PTPRD: variants seen among roughly 807,000 people sequenced by gnomAD.
PTPRD encodes the protein receptor-type tyrosine-protein phosphatase delta.
Under a neutral mutation model 214.5 loss-of-function variants are expected in PTPRD, and 34 were observed. The ratio of observed to expected loss-of-function variants is 0.16; its 90% CI spans 0.12 to 0.21. The LOEUF (loss-of-function observed/expected upper bound fraction) is 0.21, where lower values mean the gene tolerates loss of function less well. Ranked by LOEUF, PTPRD falls within the 10% of genes least tolerant of loss-of-function variation. The pLI, the probability that PTPRD is intolerant of heterozygous loss-of-function variation, is 1.00. For missense variants in PTPRD, 2,545 were observed against 2,398.7 expected, an observed-to-expected ratio of 1.06 and a Z score of -1.27; for synonymous variants, 1,128 against 845.7, an observed-to-expected ratio of 1.33 and a Z score of -5.79.
chr9:10,017,334 T>C (rs1368394719), intron 4 of PTPRD, among the ~76,000 whole-genome samples: 2 of 152,284 alleles, frequency 1.3e-5, no homozygotes, highest in East Asian at 3.9e-4. Flanking sequence ...TTGTAGGTTT[T>C]ACTGTTTAAG....
At chr9:9,758,527 G>C (rs1308144847) in intron 6 of PTPRD, among the ~76,000 whole-genome samples, 2 of 152,154 alleles carry the variant, frequency 1.3e-5, no homozygotes, top group Admixed American at 1.3e-4. Flanking sequence ...CAGCGTGTGA[G>C]TTCCAGGTTC....
At position 9,275,184 on chromosome 9, in the gene PTPRD, TTA is replaced by T. The variant is rs869129585; in HGVS notation, c.-202-91823_-202-91822del. On this transcript the variant is annotated intron_variant, in intron 9 of 45. Transcript: ENST00000381196. Reference sequence around the variant, plus strand: ...ATATAACATATATATAATATATATGTTATATATATATATATTATATATATATA... The same window carrying T: ...ATATAACATATATATAATATATATGTTATATATATATATTATATATATATA... 3.6e-3 allele frequency among the ~76,000 whole-genome samples: 78 copies of T among 21,432 alleles called. 1 individual carries two copies. The highest frequency in any genetic ancestry group is 0.021 in the East Asian group (27 of 1,286). The allele number at this position is 21,432 out of a possible 152,430, so 14.1% of individuals were successfully genotyped here.
intron 5 of PTPRD, among the ~76,000 whole-genome samples, chr9:9,779,410 A>G (rs1221346689): frequency 6.6e-6 from 1 of 152,172 alleles, no homozygotes; most frequent in Non-Finnish European, 1.5e-5. Flanking sequence ...AACAGAATAA[A>G]CAGACAACAT....
Position 9,423,930 on chromosome 9 carries a change from G to C in PTPRD, c.-236-26448C>G, listed in dbSNP as rs557747721. 6.8e-4 allele frequency among the ~76,000 whole-genome samples: 104 copies of C among 152,350 alleles called. 1 individual carries two copies. The highest frequency in any genetic ancestry group is 2.4e-3 in the African/African-American group (100 of 41,578). ...CATACTTTTAGCTGGAATCCTAGCA[G>C]AGTGGATTCTATAATGCACCACTCC... On this transcript the variant is annotated intron_variant, in intron 8 of 45. Transcript: ENST00000381196.
intron 8 of PTPRD, among the ~76,000 whole-genome samples, chr9:9,495,479 G>A (rs2096134024): frequency 6.6e-6 from 1 of 151,900 alleles, no homozygotes; most frequent in African/African-American, 2.4e-5. Context: ...AAACCCTACA[G>A]CCCGCCCTGC....
chr9:8,317,246 A>AT lies in PTPRD; in HGVS notation c.*627dup, dbSNP rs1822597851. The AT allele has an allele frequency of 8.6e-6, 2 of 232,160 alleles. No homozygotes were observed. Among genetic ancestry groups the AT allele is most frequent in the Admixed American group, 5.6e-5 (1 of 17,718 alleles). The allele number at this position is 232,160 out of a possible 1,614,324, so 14.4% of individuals were successfully genotyped here. On this transcript the variant is annotated 3_prime_UTR_variant, in exon 46 of 46. Transcript: ENST00000381196. ...GCTTAAAAAAACCTACGATTTGGAAATAAAAAAATGAAGAGTTATGTAACT... is the reference window on the plus strand; with the variant it reads ...GCTTAAAAAAACCTACGATTTGGAAATTAAAAAAATGAAGAGTTATGTAACT...
chr9:10,291,632 G>A (rs1458732096), intron 3 of PTPRD, among the ~76,000 whole-genome samples: 3 of 140,204 alleles, frequency 2.1e-5, no homozygotes, highest in Non-Finnish European at 4.5e-5. Context: ...CGCAGGTCTA[G>A]ATTCTGGGAA....
intron 11 of PTPRD, among the ~76,000 whole-genome samples, chr9:8,748,522 C>CAAAAAAAAAAAAAAAAAAAA (rs1239091825): frequency 2.6e-5 from 1 of 37,864 alleles, no homozygotes; most frequent in African/African-American, 7.2e-5. Flanking sequence ...CCTGCAACTG[C>CAAAAAAAAAAAAAAAAAAAA]AAAAAAAAAA....
chr9:9,619,992 G>A (rs993636822), intron 7 of PTPRD, among the ~76,000 whole-genome samples: 2 of 151,754 alleles, frequency 1.3e-5, no homozygotes, highest in Non-Finnish European at 2.9e-5. Context: ...GAGAGAGAAA[G>A]AGAGAAAGAG....
chr9:8,706,708 C>G (rs1396775723), intron 12 of PTPRD, among the ~76,000 whole-genome samples: 1 of 152,152 alleles, frequency 6.6e-6, no homozygotes, highest in Non-Finnish European at 1.5e-5. Context: ...GAGATGTACC[C>G]AAGCAAAGCA....
At chr9:8,685,459 G>A (rs1457895173) in intron 12 of PTPRD, among the ~76,000 whole-genome samples, 1 of 152,242 alleles carries the variant, frequency 6.6e-6, no homozygotes, top group East Asian at 1.9e-4. Flanking sequence ...AGTTTCAGAA[G>A]AACTCCTGTG....
chr9:9,386,099 C>T (rs1270619181), intron 9 of PTPRD, among the ~76,000 whole-genome samples: 1 of 152,048 alleles, frequency 6.6e-6, no homozygotes, highest in Non-Finnish European at 1.5e-5. Flanking sequence ...ATTTGTTTAC[C>T]CCAAGCTTAG....
At chr9:10,320,576 A>G (rs1321202098) in intron 3 of PTPRD, among the ~76,000 whole-genome samples, 1 of 152,050 alleles carries the variant, frequency 6.6e-6, no homozygotes, top group African/African-American at 2.4e-5. Context: ...ATTCAATCCT[A>G]TAACCCAAAA....
At chr9:9,495,698 T>G (rs1337211704) in intron 8 of PTPRD, among the ~76,000 whole-genome samples, 1 of 152,150 alleles carries the variant, frequency 6.6e-6, no homozygotes, top group Non-Finnish European at 1.5e-5. Context: ...ATTCTCTGCT[T>G]TCACTATCCT....
intron 2 of PTPRD, among the ~76,000 whole-genome samples, chr9:10,608,157 T>A (rs189636525): frequency 7.2e-5 from 11 of 152,140 alleles, no homozygotes; most frequent in African/African-American, 2.4e-4. Flanking sequence ...ATTGTGCATA[T>A]TTATCCAAAT....
intron 3 of PTPRD, among the ~76,000 whole-genome samples, chr9:10,132,616 G>C (rs1305464044): frequency 6.6e-6 from 1 of 152,176 alleles, no homozygotes; most frequent in Non-Finnish European, 1.5e-5. Flanking sequence ...GGATAGCTCT[G>C]CTATGCTAAG....
chr9:9,129,363 C>T (rs2099839086), intron 10 of PTPRD, among the ~76,000 whole-genome samples: 1 of 152,152 alleles, frequency 6.6e-6, no homozygotes, highest in African/African-American at 2.4e-5. Context: ...GCACTCCAGC[C>T]TGGGCAACAG....
chr9:8,688,460 G>A (rs1320514244), intron 12 of PTPRD, among the ~76,000 whole-genome samples: 1 of 151,816 alleles, frequency 6.6e-6, no homozygotes, highest in Non-Finnish European at 1.5e-5. Context: ...AGCTACTCAG[G>A]AGGCTGAGGG....
chr9:9,151,912 T>C (rs2099877125), intron 10 of PTPRD, among the ~76,000 whole-genome samples: 1 of 152,220 alleles, frequency 6.6e-6, no homozygotes, highest in Non-Finnish European at 1.5e-5. Flanking sequence ...TAACAATGTG[T>C]TCATTGTTTT....
Sources: allele counts gnomAD v4.1 joint callset (sites outside exome capture counted in the v4.1 genomes callset), GRCh38; gene constraint gnomAD v4.1.1; transcripts MANE v1.5; gene names NCBI Gene and HGNC (gene_info 2026-07-23, HGNC 2026-07-21).